Variants in CLTCL1 observed in about 807,000 individuals in gnomAD.
The protein encoded by CLTCL1 is clathrin heavy chain like 1.
Under a neutral mutation model 190.0 loss-of-function variants are expected in CLTCL1, and 159 were observed. The ratio of observed to expected loss-of-function variants is 0.84; its 90% CI spans 0.74 to 0.95. The LOEUF (loss-of-function observed/expected upper bound fraction) is 0.95, where lower values mean the gene tolerates loss of function less well. CLTCL1 is among the 40% of genes least tolerant of loss of function. The pLI is 0.00. For synonymous variants in CLTCL1, 752 were observed against 769.6 expected, an observed-to-expected ratio of 0.98 and a Z score of 0.38; for missense variants, 1,878 against 2,033.4, an observed-to-expected ratio of 0.92 and a Z score of 1.47.
At chr22:19,183,804 G>C in intron 29 of CLTCL1, 193 bp from the exon 30 acceptor site, 1 of 606,734 alleles carries the variant, frequency 1.6e-6, no homozygotes, top group Non-Finnish European at 2.9e-6. Flanking sequence ...TGCCACCTCC[G>C]GAGGCTCTGG....
In CLTCL1 at chr22:19,253,397, C is replaced by G. The variant is rs2086657657; in HGVS notation, c.519+562G>C. On this transcript the variant is annotated intron_variant, in intron 3 of 32. Transcript: ENST00000427926. Reference sequence around the variant, plus strand: ...GCTGTGCACATCGGGGCCCTTTGACCCCATGGGCCACGGTCCCTCCCTGCC... The same window carrying G: ...GCTGTGCACATCGGGGCCCTTTGACGCCATGGGCCACGGTCCCTCCCTGCC... Among the ~76,000 whole-genome samples the G allele has an allele frequency of 2.0e-5, 3 of 152,286 alleles. No individual in the cohort carries two copies. In the South Asian group the frequency reaches 6.2e-4, roughly 32 times the overall value.
chr22:19,210,318 C>T lies in CLTCL1; in HGVS notation c.3249+8G>A. 1.2e-6 allele frequency: 2 copies of T among 1,612,366 alleles called. No homozygotes were observed. Among genetic ancestry groups the T allele is most frequent in the South Asian group, 2.2e-5 (2 of 90,962 alleles). ...CTAGGTCCGACATGCTTACACTCAG[C>T]AGCCCACCTGGATTGCTGAGGCATT... On this transcript the variant is annotated splice_region_variant and intron_variant, in intron 20 of 32. Transcript: ENST00000427926.
chr22:19,185,187 G>A (rs1300962478), intron 29 of CLTCL1, among the ~76,000 whole-genome samples: 1 of 152,204 alleles, frequency 6.6e-6, no homozygotes, highest in African/African-American at 2.4e-5. Flanking sequence ...CTGTGCACTG[G>A]GGCTTGTGGG....
Position 19,223,880 on chromosome 22 carries a change from C to G in CLTCL1, c.2292+11G>C. 1 of 1,613,134 alleles carries G rather than the reference C, an allele frequency of 6.2e-7. No individual in the cohort carries two copies. Among genetic ancestry groups the G allele is most frequent in the Non-Finnish European group, 8.5e-7 (1 of 1,179,834 alleles). ...GGGCAGCTCATGGAAGGAGGCAGCA[C>G]TGGAACACACCTTCAGGAAGTTCTT... On this transcript the variant is annotated intron_variant, in intron 14 of 32. Coordinates refer to ENST00000427926, the MANE Select transcript of CLTCL1 (RefSeq NM_007098.4).
rs905381428 is a variant in CLTCL1, at chr22:19,195,205, C to T, written c.4191+1061G>A. ...AGACAAATCTACAAGGCAGCAGCCACGTGTGCCAGGCCACAGTAAGGTATG... is the reference window on the plus strand; with the variant it reads ...AGACAAATCTACAAGGCAGCAGCCATGTGTGCCAGGCCACAGTAAGGTATG... On this transcript the variant is annotated intron_variant, in intron 26 of 32. Transcript: ENST00000427926. Among the ~76,000 whole-genome samples, 9 of 152,202 alleles carry T rather than the reference C, an allele frequency of 5.9e-5. 1 individual carries two copies. The highest frequency in any genetic ancestry group is 2.2e-4 in the African/African-American group (9 of 41,454).
At chr22:19,264,717 G>T (rs2087061376) in intron 2 of CLTCL1, among the ~76,000 whole-genome samples, 1 of 152,008 alleles carries the variant, frequency 6.6e-6, no homozygotes, top group African/African-American at 2.4e-5. Flanking sequence ...ATGATATCAT[G>T]ATATACCTGG....
chr22:19,186,454 A>C (rs1269074221), intron 29 of CLTCL1, among the ~76,000 whole-genome samples: 1 of 152,134 alleles, frequency 6.6e-6, no homozygotes, highest in Non-Finnish European at 1.5e-5. Context: ...AATGATACTA[A>C]GAAACCTCTC....
At chr22:19,243,697 CTTTTT>C (rs1175325908) in intron 3 of CLTCL1, among the ~76,000 whole-genome samples, 1 of 107,894 alleles carries the variant, frequency 9.3e-6, no homozygotes, top group Non-Finnish European at 1.8e-5. Flanking sequence ...TTCTTTCTTT[CTTTTT>C]TTTTTTTTTT....
intron 1 of CLTCL1, among the ~76,000 whole-genome samples, chr22:19,290,165 T>C (rs2088056902): frequency 6.6e-6 from 1 of 152,204 alleles, no homozygotes; most frequent in South Asian, 2.1e-4. Flanking sequence ...ATCTTGTTGC[T>C]TTCTTGCCCT....
rs1350869773 is a variant in CLTCL1, at chr22:19,276,001, C to A, written c.43-171G>T. Among the ~76,000 whole-genome samples the A allele has an allele frequency of 1.0e-4, 13 of 124,980 alleles. No individual in the cohort carries two copies. The South Asian group carries it at 1.6e-3, about 15-fold the overall frequency. The allele number at this position is 124,980 out of a possible 152,430, so 82.0% of individuals were successfully genotyped here. On this transcript the variant is annotated intron_variant, in intron 1 of 32. Coordinates refer to ENST00000427926, the MANE Select transcript of CLTCL1 (RefSeq NM_007098.4). The stretch of plus-strand genomic sequence containing the variant: ...TACGCCTGTAATAGATCCACCCAAG[C>A]CTGTGAATCAACTCTCCTTGAGAGA...
intron 17 of CLTCL1, among the ~76,000 whole-genome samples, chr22:19,220,684 G>A (rs712946): frequency 0.06 from 9,093 of 152,266 alleles, 337 homozygotes; most frequent in Middle Eastern, 0.16. Context: ...ACGTGCTTGC[G>A]GATGCAGCGC....
At chr22:19,283,266 T>A (rs960000672) in intron 1 of CLTCL1, among the ~76,000 whole-genome samples, 58 of 151,762 alleles carry the variant, frequency 3.8e-4, no homozygotes, top group African/African-American at 1.3e-3. Context: ...TACACATTTT[T>A]AAAAAAATTT....
chr22:19,284,924 C>T (rs1265817195), intron 1 of CLTCL1, among the ~76,000 whole-genome samples: 2 of 152,020 alleles, frequency 1.3e-5, no homozygotes, highest in African/African-American at 2.4e-5. Flanking sequence ...CACTGCACTC[C>T]AGCCTGGTGG....
intron 18 of CLTCL1, among the ~76,000 whole-genome samples, chr22:19,217,807 C>T (rs1441939523): frequency 1.3e-5 from 2 of 148,450 alleles, no homozygotes; most frequent in East Asian, 4.0e-4. Flanking sequence ...GAGATCACGC[C>T]ATTGCACTCC....
At chr22:19,276,733 G>A (rs1423510813) in intron 1 of CLTCL1, among the ~76,000 whole-genome samples, 2 of 152,052 alleles carry the variant, frequency 1.3e-5, no homozygotes, top group South Asian at 2.1e-4. Flanking sequence ...GCAGTGGTGC[G>A]ATCTCGGCTC....
chr22:19,260,034 TAGA>T (rs1443074843), intron 2 of CLTCL1, among the ~76,000 whole-genome samples: 1 of 152,210 alleles, frequency 6.6e-6, no homozygotes, highest in Non-Finnish European at 1.5e-5. Flanking sequence ...GTGGCCTGGA[TAGA>T]AGATCTAAGC....
Position 19,232,563 on chromosome 22 carries a change from C to G in CLTCL1, c.1557G>C (p.Arg519Ser), listed in dbSNP as rs374653164. The change falls in exon 10 of 33, where the codon AGG becomes AGC. Residue 519 changes from arginine to serine, a missense_variant. Arg to Ser is a moderately radical substitution (Grantham distance 110). Coordinates refer to ENST00000427926, the MANE Select transcript of CLTCL1 (RefSeq NM_007098.4). ...GTTCCGGACTGATCTTCATTACACC[C>G]CTCAGCAGAAAGATCCAGTCTGGGG... ...GYTPDWIFLL[R>S]GVMKISPEQG... 8 of 1,613,688 alleles carry G rather than the reference C, an allele frequency of 5.0e-6. No individual in the cohort carries two copies. Among genetic ancestry groups the G allele is most frequent in the Non-Finnish European group, 6.8e-6 (8 of 1,179,826 alleles).
At position 19,222,823 on chromosome 22, in the gene CLTCL1, T is replaced by C; in HGVS notation, c.2293-14A>G. The C allele has an allele frequency of 6.3e-7, 1 of 1,588,656 alleles. No homozygotes were observed. Among genetic ancestry groups the C allele is most frequent in the Non-Finnish European group, 8.6e-7 (1 of 1,167,726 alleles). ...GAGCTTGGCCTCCTGAGGATTAGAA[T>C]GCACAGAACAAGTCAGGGAGTGGAG... On this transcript the variant is annotated splice_polypyrimidine_tract_variant and intron_variant, in intron 14 of 32. Coordinates refer to ENST00000427926, the MANE Select transcript of CLTCL1 (RefSeq NM_007098.4).
At chr22:19,220,154 A>G in intron 17 of CLTCL1, 147 bp from the exon 18 acceptor site, 1 of 961,294 alleles carries the variant, frequency 1.0e-6, no homozygotes, top group Non-Finnish European at 1.6e-6. Flanking sequence ...TTGACATGGG[A>G]TGAGCAGCAT....
Sources: gnomAD v4.1 joint callset for allele counts (sites outside exome capture counted in the v4.1 genomes callset) on GRCh38, gnomAD v4.1.1 for gene constraint, MANE v1.5 for transcripts, NCBI Gene and HGNC (gene_info 2026-07-23, HGNC 2026-07-21) for gene names.